The following ANKFY1 variants were observed in gnomAD, a reference collection of about 807,000 sequenced individuals.
ANKFY1 encodes the protein ankyrin repeat and FYVE domain-containing protein 1.
A neutral mutation model predicts 128.3 loss-of-function variants in ANKFY1; 47 were observed. The observed-to-expected ratio is 0.37, with a 90% CI of 0.29 to 0.47. The LOEUF is 0.47. ANKFY1 is among the 20% of genes least tolerant of loss of function. ANKFY1 has a pLI of 1.00. For missense variants in ANKFY1, 1,222 were observed against 1,510.6 expected, an observed-to-expected ratio of 0.81 and a Z score of 3.17; for synonymous variants, 553 against 601.6, an observed-to-expected ratio of 0.92 and a Z score of 1.18.
intron 22 of ANKFY1, among the ~76,000 whole-genome samples, chr17:4,171,690 T>C (rs2059323431): frequency 1.3e-5 from 2 of 152,152 alleles, no homozygotes; most frequent in African/African-American, 4.8e-5. Context: ...TACGTGCTGC[T>C]CACTCCCTCC....
At position 4,178,769 on chromosome 17, in the gene ANKFY1, A is replaced by G; in HGVS notation, c.2598+88T>C. On this transcript the variant is annotated intron_variant, in intron 18 of 24. Coordinates refer to ENST00000341657, the MANE Select transcript of ANKFY1 (RefSeq NM_001330063.2). This position sits in a 1 kb window ranked among gnomAD's most constrained non-coding sequence, Gnocchi z 4.1. The stretch of plus-strand genomic sequence containing the variant: ...TCAAAACAAAGCTCTTTCCATGAGG[A>G]GACCTGTTTAGTCGGTGACATCTGT... 1 of 1,283,678 alleles carries G rather than the reference A, an allele frequency of 7.8e-7. No homozygotes were observed. The highest frequency in any genetic ancestry group is 1.3e-5 in the South Asian group (1 of 79,804). 79.5% of individuals were successfully genotyped at this position (1,283,678 alleles called of 1,614,324 possible). A position where few individuals can be genotyped will look rare whatever the true frequency, so the allele number is the denominator to read the frequency against.
chr17:4,203,915 T>C (rs1266386882), intron 7 of ANKFY1, among the ~76,000 whole-genome samples: 3 of 151,436 alleles, frequency 2.0e-5, no homozygotes, highest in Non-Finnish European at 4.4e-5. Flanking sequence ...CAGGAAGAAC[T>C]GTTTTTATAA....
At chr17:4,233,308 G>A (rs967879125) in intron 3 of ANKFY1, among the ~76,000 whole-genome samples, 1 of 151,510 alleles carries the variant, frequency 6.6e-6, no homozygotes, top group African/African-American at 2.4e-5. Context: ...ATCTTATAAG[G>A]TCTTCATAAT....
chr17:4,210,018 C>T (rs1284072827), intron 4 of ANKFY1, 71 bp from the exon 5 acceptor site: 9 of 1,465,662 alleles, frequency 6.1e-6, no homozygotes, highest in Non-Finnish European at 7.5e-6. Context: ...CCAAAGCGAT[C>T]ATCTTTGTAC....
chr17:4,256,707 C>T (rs1429980411), intron 1 of ANKFY1, among the ~76,000 whole-genome samples: 1 of 152,120 alleles, frequency 6.6e-6, no homozygotes, highest in Non-Finnish European at 1.5e-5. Context: ...AAATACTTTG[C>T]CTTCCCCTCT....
intron 3 of ANKFY1, among the ~76,000 whole-genome samples, chr17:4,233,201 C>T (rs907503880): frequency 9.2e-5 from 14 of 152,060 alleles, no homozygotes; most frequent in African/African-American, 3.4e-4. Context: ...CTAACAAAGT[C>T]GAATATTTTC....
chr17:4,181,199 C>G lies in ANKFY1; in HGVS notation c.2240+55G>C. 1 of 1,412,036 alleles carries G rather than the reference C, an allele frequency of 7.1e-7. No homozygotes were observed. Among genetic ancestry groups the G allele is most frequent in the Admixed American group, 1.7e-5 (1 of 58,760 alleles). 87.5% of individuals were successfully genotyped at this position (1,412,036 alleles called of 1,614,324 possible). Reference sequence around the variant, plus strand: ...TAGACGGATTTAAAAAGGAAAGAGCCAGTTTGCAACAAGCTCACTAAAAAG... The same window carrying G: ...TAGACGGATTTAAAAAGGAAAGAGCGAGTTTGCAACAAGCTCACTAAAAAG... On this transcript the variant is annotated intron_variant, in intron 16 of 24. Transcript: ENST00000341657. This position sits in a 1 kb window ranked among gnomAD's most constrained non-coding sequence, Gnocchi z 4.9.
At chr17:4,244,771 C>G (rs902681509) in intron 1 of ANKFY1, among the ~76,000 whole-genome samples, 3 of 152,120 alleles carry the variant, frequency 2.0e-5, no homozygotes, top group Non-Finnish European at 2.9e-5. Context: ...TCTGATCGCT[C>G]TCCTCGATCC....
chr17:4,263,806 G>C, intron 1 of ANKFY1, 126 bp downstream of exon 1: 1 of 1,605,194 alleles, frequency 6.2e-7, no homozygotes, highest in South Asian at 1.1e-5. Context: ...AGACAGGAAG[G>C]CTCGCGAGAC....
chr17:4,242,672 T>C (rs968722897), intron 1 of ANKFY1, among the ~76,000 whole-genome samples: 4 of 152,134 alleles, frequency 2.6e-5, no homozygotes, highest in African/African-American at 7.2e-5. Flanking sequence ...GCAGGGGGAA[T>C]CACTTGAGCC....
At chr17:4,217,296 C>T (rs1351157602) in intron 3 of ANKFY1, among the ~76,000 whole-genome samples, 178 bp from the exon 4 acceptor site, 1 of 152,198 alleles carries the variant, frequency 6.6e-6, no homozygotes, top group Non-Finnish European at 1.5e-5. Flanking sequence ...CGCCTGTAAT[C>T]CCAGCACTTT....
intron 10 of ANKFY1, among the ~76,000 whole-genome samples, chr17:4,190,430 G>A (rs541942569): frequency 6.6e-6 from 1 of 150,866 alleles, no homozygotes; most frequent in African/African-American, 2.4e-5. Flanking sequence ...GACAGAACAA[G>A]ACTCTGTCTC....
chr17:4,197,293 C>T (rs2059843297), intron 8 of ANKFY1, 80 bp downstream of exon 8: 3 of 1,441,908 alleles, frequency 2.1e-6, no homozygotes, highest in Admixed American at 3.4e-5. Context: ...AACATGAACT[C>T]CCCGTATGCC....
chr17:4,255,787 T>C lies in ANKFY1; in HGVS notation c.10+8145A>G, dbSNP rs962547289. ...GCATCAGATTAGAAAAGCTCTTCAC[T>C]GGTGATTAATTACCACCACTACTAC... On this transcript the variant is annotated intron_variant, in intron 1 of 24. Coordinates refer to ENST00000341657, the MANE Select transcript of ANKFY1 (RefSeq NM_001330063.2). Among the ~76,000 whole-genome samples, 24 of 152,166 alleles carry C rather than the reference T, an allele frequency of 1.6e-4. No homozygotes were observed. The East Asian group carries it at 3.1e-3, about 20-fold the overall frequency.
At chr17:4,240,560 T>A (rs1044334144) in intron 2 of ANKFY1, among the ~76,000 whole-genome samples, 1 of 151,948 alleles carries the variant, frequency 6.6e-6, no homozygotes, top group African/African-American at 2.4e-5. Context: ...CCCAGCTAAT[T>A]TTTGTAGTTT....
intron 1 of ANKFY1, among the ~76,000 whole-genome samples, chr17:4,261,615 G>C (rs1034450857): frequency 1.3e-5 from 2 of 152,236 alleles, no homozygotes; most frequent in Admixed American, 1.3e-4. Flanking sequence ...CCACTGGCGA[G>C]ATGTCTCTCA....
intron 3 of ANKFY1, among the ~76,000 whole-genome samples, chr17:4,232,507 A>T (rs916688288): frequency 6.6e-6 from 1 of 152,258 alleles, no homozygotes; most frequent in Non-Finnish European, 1.5e-5. Flanking sequence ...CCTATCTGCT[A>T]TCTTCACAGG....
chr17:4,195,124 A>G lies in ANKFY1; in HGVS notation c.1226T>C (p.Val409Ala), dbSNP rs958877290. 4 of 1,613,868 alleles carry G rather than the reference A, an allele frequency of 2.5e-6. No homozygotes were observed. The African/African-American group carries it at 4.0e-5, about 16-fold the overall frequency. ...GTCAGAAGACACTGTGATATGCTGC[A>G]CTGCCAGCCACAGAGCCGTGCTGCC... The part of the protein sequence containing the change: ...HEGSTALWLA[V>A]QHITVSSDQS... The change falls in exon 10 of 25, where the codon GTG (valine) becomes GCG (alanine). Residue 409 changes from valine to alanine, a missense_variant. Coordinates refer to ENST00000341657, the MANE Select transcript of ANKFY1 (RefSeq NM_001330063.2).
At chr17:4,229,544 A>G (rs2060479950) in intron 3 of ANKFY1, among the ~76,000 whole-genome samples, 1 of 152,250 alleles carries the variant, frequency 6.6e-6, no homozygotes, top group African/African-American at 2.4e-5. Flanking sequence ...TTGGCTAAAT[A>G]TAAATAAAAA....
Sources: allele counts gnomAD v4.1 joint callset (sites outside exome capture counted in the v4.1 genomes callset), GRCh38; gene constraint gnomAD v4.1.1; non-coding constraint Gnocchi (gnomAD v3.1); transcripts MANE v1.5; gene names NCBI Gene and HGNC (gene_info 2026-07-23, HGNC 2026-07-21).